Variants in GMDS observed in about 807,000 individuals in gnomAD.
GMDS encodes the protein GDP-mannose 4,6-dehydratase.
In GMDS, 20 loss-of-function variants were observed where a neutral mutation model predicts 49.9. The observed-to-expected ratio is 0.40, with a 90% confidence interval of 0.28 to 0.58. The LOEUF (loss-of-function observed/expected upper bound fraction) is 0.58, where lower values mean the gene tolerates loss of function less well. Ranked by LOEUF, GMDS falls within the 20% of genes least tolerant of loss-of-function variation. The pLI is 0.42. For missense variants in GMDS, 362 were observed against 481.4 expected, an observed-to-expected ratio of 0.75 and a Z score of 2.32; for synonymous variants, 177 against 178.6, an observed-to-expected ratio of 0.99 and a Z score of 0.07.
At chr6:2,241,257 G>A (rs1781602549) in intron 1 of GMDS, among the ~76,000 whole-genome samples, 1 of 152,090 alleles carries the variant, frequency 6.6e-6, no homozygotes, top group Non-Finnish European at 1.5e-5. Flanking sequence ...ATTGTATCTT[G>A]GAAAAAAATT....
chr6:2,115,679 G>A, intron 4 of GMDS, 92 bp downstream of exon 4: 3 of 736,062 alleles, frequency 4.1e-6, no homozygotes, highest in Non-Finnish European at 7.5e-6. Context: ...TAAGACCAGT[G>A]ATTATATTAC....
At chr6:1,879,975 G>A (rs983206058) in intron 7 of GMDS, among the ~76,000 whole-genome samples, 1 of 152,106 alleles carries the variant, frequency 6.6e-6, no homozygotes, top group East Asian at 1.9e-4. Context: ...AAGATGATAG[G>A]AGAGACAATA....
chr6:1,949,521 G>A (rs1174948817), intron 6 of GMDS, among the ~76,000 whole-genome samples: 1 of 152,178 alleles, frequency 6.6e-6, no homozygotes, highest in Non-Finnish European at 1.5e-5. Flanking sequence ...GGAGATGGGA[G>A]GGATTTCATT....
chr6:1,794,993 C>T (rs1044846288), intron 7 of GMDS, among the ~76,000 whole-genome samples: 8 of 151,962 alleles, frequency 5.3e-5, no homozygotes, highest in African/African-American at 1.9e-4. Flanking sequence ...AGTTTGAGAC[C>T]AGCCTGGGAA....
chr6:1,963,938 G>T (rs1032135384), intron 4 of GMDS, among the ~76,000 whole-genome samples: 3 of 152,180 alleles, frequency 2.0e-5, no homozygotes, highest in African/African-American at 7.2e-5. Context: ...TCAGAAAGAT[G>T]GAGGTGCTAA....
intron 1 of GMDS, among the ~76,000 whole-genome samples, chr6:2,171,805 C>T (rs560153142): frequency 1.5e-4 from 23 of 150,516 alleles, no homozygotes; most frequent in Non-Finnish European, 2.6e-4. Context: ...CAAAGAGCCA[C>T]AATGAAAGAA....
chr6:1,852,780 C>T (rs538120990), intron 7 of GMDS, among the ~76,000 whole-genome samples: 5 of 148,240 alleles, frequency 3.4e-5, no homozygotes, highest in African/African-American at 1.0e-4. Flanking sequence ...GATCTCGGCG[C>T]GATGCAACCT....
At chr6:2,234,872 T>C (rs1781282237) in intron 1 of GMDS, among the ~76,000 whole-genome samples, 1 of 152,038 alleles carries the variant, frequency 6.6e-6, no homozygotes, top group Non-Finnish European at 1.5e-5. Flanking sequence ...GGACCTGTAA[T>C]CCCAGCACTC....
chr6:1,951,679 G>GA (rs1307615015), intron 6 of GMDS, among the ~76,000 whole-genome samples: 2 of 83,696 alleles, frequency 2.4e-5, no homozygotes, highest in Admixed American at 2.5e-4. Flanking sequence ...TTACAAGCAT[G>GA]ACCACCATGC....
At chr6:1,864,810 A>G (rs975195281) in intron 7 of GMDS, among the ~76,000 whole-genome samples, 2 of 152,206 alleles carry the variant, frequency 1.3e-5, no homozygotes, top group African/African-American at 4.8e-5. Context: ...CAAACACCCG[A>G]CAAGGCTGAG....
chr6:1,751,001 G>A lies in GMDS; in HGVS notation c.772-8415C>T, dbSNP rs188668925. On this transcript the variant is annotated intron_variant, in intron 7 of 10. Transcript: ENST00000380815. Reference sequence around the variant, plus strand: ...CCCACCACAGCTTGGCAAAGCTGCTGTGGCCAGACTGCCTCTCTAGATTCC... The same window carrying A: ...CCCACCACAGCTTGGCAAAGCTGCTATGGCCAGACTGCCTCTCTAGATTCC... Among the ~76,000 whole-genome samples, 3 of 152,314 alleles carry A rather than the reference G, an allele frequency of 2.0e-5. No homozygotes were observed. In the East Asian group the frequency reaches 5.8e-4, roughly 29 times the overall value.
chr6:2,141,637 T>A (rs1259956282), intron 1 of GMDS, among the ~76,000 whole-genome samples: 1 of 152,032 alleles, frequency 6.6e-6, no homozygotes, highest in Non-Finnish European at 1.5e-5. Context: ...ACTACTGCCG[T>A]TTAAAAACTT....
chr6:1,875,848 A>T (rs1581287920), intron 7 of GMDS, among the ~76,000 whole-genome samples: 1 of 151,918 alleles, frequency 6.6e-6, no homozygotes, highest in East Asian at 1.9e-4. Context: ...GAACATGGAG[A>T]AACCCCGTTT....
chr6:1,636,370 C>A (rs1039900952), intron 9 of GMDS, among the ~76,000 whole-genome samples: 1 of 152,222 alleles, frequency 6.6e-6, no homozygotes, highest in African/African-American at 2.4e-5. Context: ...TTGGAGAAGA[C>A]AGACAATATA....
intron 7 of GMDS, among the ~76,000 whole-genome samples, chr6:1,888,185 G>T (rs1759704892): frequency 6.7e-6 from 1 of 149,114 alleles, no homozygotes; most frequent in African/African-American, 2.5e-5. Flanking sequence ...TGCCCAGGCT[G>T]GTCTCAAACT....
chr6:2,077,712 A>G (rs1772427953), intron 4 of GMDS, among the ~76,000 whole-genome samples: 1 of 152,152 alleles, frequency 6.6e-6, no homozygotes, highest in African/African-American at 2.4e-5. Flanking sequence ...TTTTGAATCC[A>G]TATTCATCAA....
At chr6:1,746,771 G>C (rs1767515692) in intron 7 of GMDS, among the ~76,000 whole-genome samples, 1 of 151,716 alleles carries the variant, frequency 6.6e-6, no homozygotes, top group Non-Finnish European at 1.5e-5. Context: ...GCACAATCTC[G>C]GCTCACTGCA....
intron 7 of GMDS, among the ~76,000 whole-genome samples, chr6:1,843,018 G>A (rs901404437): frequency 1.3e-5 from 2 of 151,796 alleles, no homozygotes; most frequent in African/African-American, 4.8e-5. Context: ...GAGGTGGGAG[G>A]GTCAGTGAGC....
intron 9 of GMDS, among the ~76,000 whole-genome samples, chr6:1,687,299 C>G (rs1190523147): frequency 6.6e-6 from 1 of 152,198 alleles, no homozygotes; most frequent in Non-Finnish European, 1.5e-5. Flanking sequence ...TAGACTCTCC[C>G]GCACTTCACG....
Sources: allele counts gnomAD v4.1 joint callset (sites outside exome capture counted in the v4.1 genomes callset), GRCh38; gene constraint gnomAD v4.1.1; transcripts MANE v1.5; gene names NCBI Gene and HGNC (gene_info 2026-07-23, HGNC 2026-07-21).